LRFN5: variants seen among roughly 807,000 people sequenced by gnomAD.
LRFN5 encodes the protein leucine rich repeat and fibronectin type III domain containing 5.
A neutral mutation model predicts 45.6 loss-of-function variants in LRFN5; 24 were observed. The ratio of observed to expected loss-of-function variants is 0.53; its 90% CI spans 0.38 to 0.74. LRFN5 has a LOEUF of 0.74. LRFN5 is among the 30% of genes least tolerant of loss of function. LRFN5 has a pLI of 0.00. For missense variants in LRFN5, 776 were observed against 861.5 expected, an observed-to-expected ratio of 0.90 and a Z score of 1.24; for synonymous variants, 340 against 313.8, an observed-to-expected ratio of 1.08 and a Z score of -0.88.
At chr14:41,817,171 C>T (rs1272260932) in intron 2 of LRFN5, among the ~76,000 whole-genome samples, 1 of 151,998 alleles carries the variant, frequency 6.6e-6, no homozygotes, top group African/African-American at 2.4e-5. Context: ...TACATTGTCT[C>T]TGTTCTTGCA....
intron 2 of LRFN5, among the ~76,000 whole-genome samples, chr14:41,882,080 C>A (rs1235176755): frequency 6.6e-6 from 1 of 152,028 alleles, no homozygotes; most frequent in Non-Finnish European, 1.5e-5. Context: ...GAGATCTGTG[C>A]CCTGTGGTGG....
intron 3 of LRFN5, 58 bp from the exon 4 acceptor site, chr14:41,891,192 T>G: frequency 7.5e-7 from 1 of 1,341,954 alleles, no homozygotes; most frequent in Non-Finnish European, 1.1e-6. Context: ...CATAATGACT[T>G]TCTGTGTATG....
intron 1 of LRFN5, among the ~76,000 whole-genome samples, chr14:41,685,012 AG>A (rs1277247184): frequency 1.3e-5 from 2 of 152,350 alleles, no homozygotes; most frequent in Non-Finnish European, 2.9e-5. Context: ...TATTTTTCAA[AG>A]AAAGACATAC....
At chr14:41,759,592 A>T (rs191433604) in intron 1 of LRFN5, among the ~76,000 whole-genome samples, 1 of 152,190 alleles carries the variant, frequency 6.6e-6, no homozygotes, top group Admixed American at 6.5e-5. Context: ...TCTGATTAAC[A>T]CCAGTCCAGG....
At chr14:41,792,059 A>G (rs570942512) in intron 2 of LRFN5, among the ~76,000 whole-genome samples, 130 of 152,180 alleles carry the variant, frequency 8.5e-4, no homozygotes, top group African/African-American at 3.0e-3. Flanking sequence ...TAAGAAATAA[A>G]GAGAAAGAAT....
chr14:41,624,401 T>C (rs866218094), intron 1 of LRFN5, among the ~76,000 whole-genome samples: 4 of 152,140 alleles, frequency 2.6e-5, no homozygotes, highest in African/African-American at 9.7e-5. Context: ...TATTATATCA[T>C]TTGTTGCCTC....
intron 1 of LRFN5, among the ~76,000 whole-genome samples, chr14:41,717,403 T>C (rs888178484): frequency 6.6e-6 from 1 of 152,222 alleles, no homozygotes; most frequent in Non-Finnish European, 1.5e-5. Flanking sequence ...GCTAATTTTT[T>C]CTATGTCTTG....
chr14:41,716,536 C>T (rs1164813169), intron 1 of LRFN5, among the ~76,000 whole-genome samples: 1 of 152,160 alleles, frequency 6.6e-6, no homozygotes, highest in Admixed American at 6.5e-5. Flanking sequence ...TGCTGCCAGT[C>T]TCTTTGCTAA....
chr14:41,736,126 TG>T (rs1489684900), intron 1 of LRFN5, among the ~76,000 whole-genome samples: 3 of 152,192 alleles, frequency 2.0e-5, no homozygotes, highest in Non-Finnish European at 4.4e-5. Context: ...TACCCAGCAA[TG>T]GGATCACTGG....
At chr14:41,760,080 C>T (rs1885596334) in intron 1 of LRFN5, among the ~76,000 whole-genome samples, 1 of 152,064 alleles carries the variant, frequency 6.6e-6, no homozygotes, top group Non-Finnish European at 1.5e-5. Context: ...CAGATTTTTA[C>T]CAATTTTATA....
chr14:41,668,855 A>G (rs1366585036), intron 1 of LRFN5, among the ~76,000 whole-genome samples: 1 of 152,154 alleles, frequency 6.6e-6, no homozygotes, highest in Non-Finnish European at 1.5e-5. Flanking sequence ...ATTCAGTACT[A>G]TGGATTTTAT....
intron 1 of LRFN5, among the ~76,000 whole-genome samples, chr14:41,718,407 G>T (rs1883577841): frequency 6.6e-6 from 1 of 152,132 alleles, no homozygotes; most frequent in Non-Finnish European, 1.5e-5. Flanking sequence ...CCTGTTCTTT[G>T]ATTTGTTTGA....
At chr14:41,869,428 CTT>C (rs143045395) in intron 2 of LRFN5, among the ~76,000 whole-genome samples, 1 of 144,008 alleles carries the variant, frequency 6.9e-6, no homozygotes, top group Admixed American at 7.0e-5. Flanking sequence ...CTTTATGCAG[CTT>C]TTTTTTTTTT....
intron 1 of LRFN5, among the ~76,000 whole-genome samples, chr14:41,640,233 T>C (rs1879512767): frequency 6.6e-6 from 1 of 152,078 alleles, no homozygotes; most frequent in South Asian, 2.1e-4. Flanking sequence ...TTTGTCAATA[T>C]GAATTTATAG....
intron 1 of LRFN5, among the ~76,000 whole-genome samples, chr14:41,729,687 C>T (rs1459851208): frequency 6.6e-6 from 1 of 151,880 alleles, no homozygotes; most frequent in Non-Finnish European, 1.5e-5. Context: ...TTCTTGTACA[C>T]ATTTATATCT....
At chr14:41,754,920 C>G (rs1485336159) in intron 1 of LRFN5, among the ~76,000 whole-genome samples, 2 of 152,080 alleles carry the variant, frequency 1.3e-5, no homozygotes, top group Non-Finnish European at 2.9e-5. Flanking sequence ...ACATTTCCCT[C>G]TACACACTGC....
chr14:41,671,615 T>C (rs866994905), intron 1 of LRFN5, among the ~76,000 whole-genome samples: 5 of 71,068 alleles, frequency 7.0e-5, no homozygotes. Context: ...TTTTTTTTTT[T>C]CGTTTTTTTT....
At position 41,824,119 on chromosome 14, in the gene LRFN5, A is replaced by C. The variant is rs904487532; in HGVS notation, c.-21+57090A>C. On this transcript the variant is annotated intron_variant, in intron 2 of 5. Coordinates refer to ENST00000298119, the MANE Select transcript of LRFN5 (RefSeq NM_152447.5). ...GGTTTTCAACTTTCTCTCTGATCTA[A>C]TTGAGTTCCCTTACAAGCCGTAGTT... Among the ~76,000 whole-genome samples the C allele has an allele frequency of 2.6e-5, 4 of 151,722 alleles. No homozygotes were observed. In the East Asian group the frequency reaches 7.8e-4, roughly 29 times the overall value.
At chr14:41,717,907 A>G (rs941529820) in intron 1 of LRFN5, among the ~76,000 whole-genome samples, 2 of 152,152 alleles carry the variant, frequency 1.3e-5, no homozygotes, top group South Asian at 2.1e-4. Flanking sequence ...TAGACCATGT[A>G]TATTATAAAT....
Sources: allele counts gnomAD v4.1 joint callset (sites outside exome capture counted in the v4.1 genomes callset), GRCh38; gene constraint gnomAD v4.1.1; transcripts MANE v1.5; gene names NCBI Gene and HGNC (gene_info 2026-07-23, HGNC 2026-07-21).